The following SP110 variants were observed in gnomAD, a reference collection of about 807,000 sequenced individuals.
The protein encoded by SP110 is interferon-induced protein 41, 30kD.
In SP110, 62 loss-of-function variants were observed where a neutral mutation model predicts 92.7. The ratio of observed to expected loss-of-function variants is 0.67; its 90% confidence interval spans 0.55 to 0.83. The LOEUF (loss-of-function observed/expected upper bound fraction) is 0.83, where lower values mean the gene tolerates loss of function less well. Ranked by LOEUF, SP110 falls within the 40% of genes least tolerant of loss-of-function variation. The probability of loss-of-function intolerance (pLI) is 0.00; values close to 1 mark genes in which losing one functional copy is unlikely to be tolerated. For missense variants in SP110, 793 were observed against 863.9 expected (o/e 0.92, Z 1.03); for synonymous variants, 273 against 305.3 (o/e 0.89, Z 1.10).
intron 14 of SP110, among the ~76,000 whole-genome samples, chr2:230,174,512 T>C (rs2041760889): frequency 6.6e-6 from 1 of 152,214 alleles, no homozygotes; most frequent in Non-Finnish European, 1.5e-5. Context: ...CTGGCATCTC[T>C]GGACCACCCA....
Position 230,195,354 on chromosome 2 carries a change from G to T in SP110, c.1129+5531C>A, listed in dbSNP as rs150101568. On this transcript the variant is annotated intron_variant, in intron 10 of 18. Transcript: ENST00000258381. The stretch of plus-strand genomic sequence containing the variant: ...ATATGTCATTTAAAAAGTTTTTTGG[G>T]GACAGAGTCTTGTTCTGTTATGCAG... 9.7e-3 allele frequency among the ~76,000 whole-genome samples: 1,475 copies of T among 152,148 alleles called. 8 individuals are homozygous for T. Among genetic ancestry groups the T allele is most frequent in the Middle Eastern group, 0.027 (8 of 294 alleles).
chr2:230,189,022 T>A (rs768422897), intron 10 of SP110, among the ~76,000 whole-genome samples: 3 of 152,176 alleles, frequency 2.0e-5, no homozygotes, highest in Non-Finnish European at 2.9e-5. Flanking sequence ...CTGAATGATC[T>A]TTTGTATTTC....
At chr2:230,218,509 AGT>A (rs1266016390) in intron 1 of SP110, among the ~76,000 whole-genome samples, 2 of 152,220 alleles carry the variant, frequency 1.3e-5, no homozygotes, top group African/African-American at 4.8e-5. Context: ...ATCAGTGCAA[AGT>A]CAGAGAAAGG....
upstream of SP110, among the ~76,000 whole-genome samples, chr2:230,224,656 G>T (rs1193257201): frequency 2.0e-5 from 3 of 152,190 alleles, no homozygotes; most frequent in African/African-American, 7.2e-5. Context: ...GAAATTTCTT[G>T]CACTCTGTAT....
At chr2:230,171,638 C>A in intron 17 of SP110, 58 bp downstream of exon 17, 1 of 1,313,890 alleles carries the variant, frequency 7.6e-7, no homozygotes, top group Admixed American at 1.7e-5. Flanking sequence ...CCTGCCAGAT[C>A]AGCCCCCAAA....
intron 7 of SP110, 121 bp from the exon 8 acceptor site, chr2:230,208,180 T>A: frequency 1.5e-6 from 1 of 666,106 alleles, no homozygotes. Flanking sequence ...ATTGGTGACC[T>A]TAGGTGATGG....
At chr2:230,199,011 A>G (rs2043003972) in intron 10 of SP110, among the ~76,000 whole-genome samples, 1 of 151,968 alleles carries the variant, frequency 6.6e-6, no homozygotes, top group South Asian at 2.1e-4. Context: ...GGGATGCCAC[A>G]TGCTGAGGAT....
chr2:230,182,655 C>T (rs544067491), intron 12 of SP110, among the ~76,000 whole-genome samples: 9 of 151,938 alleles, frequency 5.9e-5, no homozygotes, highest in East Asian at 1.9e-4. Flanking sequence ...CCTAGAGACA[C>T]GGGTAGGGGT....
chr2:230,170,881 T>A, intron 17 of SP110, 120 bp from the exon 18 acceptor site: 1 of 999,468 alleles, frequency 1.0e-6, no homozygotes, highest in Non-Finnish European at 1.5e-6. Context: ...ATTTGACCTC[T>A]TTAAGCCAGC....
rs2078318404 is a variant in SP110 at position 230,166,894 on chromosome 2, AT to A, written c.*2229del. Among the ~76,000 whole-genome samples the A allele has an allele frequency of 6.6e-6, 1 of 152,146 alleles. No homozygotes were observed. The highest frequency in any genetic ancestry group is 2.1e-4 in the South Asian group (1 of 4,826). ...AACATGTGCTTGACTGGATTTCAGAATTGCTATAAATGAGTGACTGCTGCTT... is the reference window on the plus strand; with the variant it reads ...AACATGTGCTTGACTGGATTTCAGAATGCTATAAATGAGTGACTGCTGCTT... On this transcript the variant is annotated 3_prime_UTR_variant, in exon 19 of 19. Coordinates refer to ENST00000258381, the MANE Select transcript of SP110 (RefSeq NM_080424.4).
intron 10 of SP110, among the ~76,000 whole-genome samples, chr2:230,189,403 A>G (rs2042506399): frequency 6.6e-6 from 1 of 152,204 alleles, no homozygotes; most frequent in African/African-American, 2.4e-5. Flanking sequence ...TTCATTTCAA[A>G]TAATTTTCTA....
intron 11 of SP110, among the ~76,000 whole-genome samples, chr2:230,185,320 T>G (rs1337736016): frequency 6.6e-6 from 1 of 152,136 alleles, no homozygotes; most frequent in Non-Finnish European, 1.5e-5. Context: ...GCTGTAGACT[T>G]CTGAGGAGGT....
chr2:230,202,652 TGA>T lies in SP110; in HGVS notation c.973_974del (p.Ser325AsnfsTer3). The stretch of plus-strand genomic sequence containing the variant: ...TTGTCTCTACCGTGGAGTTACAAGT[TGA>T]GTCATCTTTCTTTTGAGGAACCTGA... ...VDQVPQKKDD[S>X]TCNSTVETRA... On this transcript the variant is annotated frameshift_variant, in exon 9 of 19. Transcript: ENST00000258381. LOFTEE classifies it high-confidence loss of function. 1.2e-6 allele frequency: 2 copies of T among 1,614,104 alleles called. No individual in the cohort carries two copies. The highest frequency in any genetic ancestry group is 1.7e-6 in the Non-Finnish European group (2 of 1,179,924).
chr2:230,214,953 G>C lies in SP110; in HGVS notation c.313C>G (p.Arg105Gly). 1 of 1,613,612 alleles carries C rather than the reference G, an allele frequency of 6.2e-7. No individual in the cohort carries two copies. Among genetic ancestry groups the C allele is most frequent in the Admixed American group, 1.7e-5 (1 of 60,028 alleles). ...AGCACTTGAGAAATCTCATTACCACGTTTGAAGCTTCTGTAAATCGTCACC... is the reference window on the plus strand; with the variant it reads ...AGCACTTGAGAAATCTCATTACCACCTTTGAAGCTTCTGTAAATCGTCACC... ...NLVTIYRSFK[R>G]VGASYEWQSR... The change falls in exon 3 of 19, where the codon CGT (arginine) becomes GGT (glycine). Residue 105 changes from arginine to glycine, a missense_variant. Physicochemically the swap from Arg to Gly is moderately radical, Grantham distance 125. Coordinates refer to ENST00000258381, the MANE Select transcript of SP110 (RefSeq NM_080424.4).
chr2:230,212,601 G>T (rs956362090), intron 4 of SP110, among the ~76,000 whole-genome samples, 160 bp downstream of exon 4: 1 of 152,136 alleles, frequency 6.6e-6, no homozygotes, highest in East Asian at 1.9e-4. Context: ...CCCACCCCCC[G>T]GCAGTGCTCA....
At chr2:230,191,748 T>C (rs1039039201) in intron 10 of SP110, among the ~76,000 whole-genome samples, 5 of 152,014 alleles carry the variant, frequency 3.3e-5, no homozygotes, top group African/African-American at 1.2e-4. Context: ...TTCCAAACAA[T>C]TGAAAAGGAG....
chr2:230,184,198 T>C (rs950532715), intron 11 of SP110, among the ~76,000 whole-genome samples: 1 of 152,218 alleles, frequency 6.6e-6, no homozygotes, highest in African/African-American at 2.4e-5. Flanking sequence ...TCTGGAACTT[T>C]CCATTTAATA....
At chr2:230,203,828 T>C (rs901249750) in intron 8 of SP110, 1 of 152,152 alleles carries the variant, frequency 6.6e-6, no homozygotes, top group African/African-American at 2.4e-5. Context: ...AATATCTCTG[T>C]TGGGCTGCGG....
chr2:230,177,706 T>A, intron 13 of SP110, 26 bp from the exon 14 acceptor site: 2 of 1,613,140 alleles, frequency 1.2e-6, no homozygotes, highest in South Asian at 2.2e-5. Context: ...CATTCTTGGA[T>A]CTACCCCCAT....
Sources: allele counts gnomAD v4.1 joint callset (sites outside exome capture counted in the v4.1 genomes callset), GRCh38; gene constraint gnomAD v4.1.1; transcripts MANE v1.5; gene names NCBI Gene and HGNC (gene_info 2026-07-23, HGNC 2026-07-21).